Variants in BCL2 observed in about 807,000 individuals in gnomAD.
The protein encoded by BCL2 is BCL2 apoptosis regulator.
Under a neutral mutation model 14.2 loss-of-function variants are expected in BCL2, and 1 was observed. That is an observed-to-expected ratio of 0.07 (90% CI 0.02 to 0.33). The LOEUF (loss-of-function observed/expected upper bound fraction) is 0.33, where lower values mean the gene tolerates loss of function less well. BCL2 is among the 10% of genes least tolerant of loss of function. BCL2 has a pLI of 0.99. For synonymous variants in BCL2, 151 were observed against 137.2 expected, an observed-to-expected ratio of 1.10 and a Z score of -0.70; for missense variants, 247 against 305.9, an observed-to-expected ratio of 0.81 and a Z score of 1.44.
intron 2 of BCL2, among the ~76,000 whole-genome samples, chr18:63,147,214 C>T (rs941002764): frequency 2.2e-4 from 34 of 152,346 alleles, no homozygotes; most frequent in African/African-American, 7.9e-4. Context: ...ATTCACCTTT[C>T]CAGGCTTTGA....
At chr18:63,231,003 A>G (rs1368314505) in intron 2 of BCL2, among the ~76,000 whole-genome samples, 1 of 145,596 alleles carries the variant, frequency 6.9e-6, no homozygotes, top group Non-Finnish European at 1.5e-5. Flanking sequence ...TCAAAATATC[A>G]TGTTTATCAC....
intron 2 of BCL2, among the ~76,000 whole-genome samples, chr18:63,306,037 T>G (rs1227904993): frequency 6.6e-6 from 1 of 152,186 alleles, no homozygotes; most frequent in South Asian, 2.1e-4. Context: ...ATGGTGCCAC[T>G]GCACTCCAGC....
chr18:63,234,161 G>A (rs1450605264), intron 2 of BCL2, among the ~76,000 whole-genome samples: 1 of 152,072 alleles, frequency 6.6e-6, no homozygotes, highest in African/African-American at 2.4e-5. Flanking sequence ...GTGTGCCATG[G>A]TGGTTTGCTG....
At chr18:63,261,612 G>A (rs555106750) in intron 2 of BCL2, among the ~76,000 whole-genome samples, 69 of 152,164 alleles carry the variant, frequency 4.5e-4, no homozygotes, top group African/African-American at 1.4e-3. Context: ...AAATAAAAAC[G>A]GTCTTAGGGG....
intron 2 of BCL2, among the ~76,000 whole-genome samples, chr18:63,257,101 T>C (rs1454126621): frequency 6.6e-6 from 1 of 152,216 alleles, no homozygotes; most frequent in East Asian, 1.9e-4. Context: ...AGCTGATTTA[T>C]TAATATCCCA....
At chr18:63,288,017 A>C (rs1173022379) in intron 2 of BCL2, among the ~76,000 whole-genome samples, 1 of 152,234 alleles carries the variant, frequency 6.6e-6, no homozygotes, top group Non-Finnish European at 1.5e-5. Context: ...ATAGATGAGC[A>C]GGCGAGAGGA....
rs574733857 is a variant in BCL2, at chr18:63,245,892, G to A, written c.585+72190C>T. On this transcript the variant is annotated intron_variant, in intron 2 of 2. Coordinates refer to ENST00000333681, the MANE Select transcript of BCL2 (RefSeq NM_000633.3). ...GTAGCTTGCCCAACTTAGCCCGATT[G>A]AATTTGAAGCTCTAAACTGCTTCTT... Among the ~76,000 whole-genome samples the A allele has an allele frequency of 1.3e-4, 20 of 152,260 alleles. No individual in the cohort carries two copies. The East Asian group carries it at 2.5e-3, about 19-fold the overall frequency.
Position 63,318,761 on chromosome 18 carries a change from C to A in BCL2, c.-95G>T. 1 of 1,549,864 alleles carries A rather than the reference C, an allele frequency of 6.5e-7. No homozygotes were observed. The highest frequency in any genetic ancestry group is 8.7e-7 in the Non-Finnish European group (1 of 1,150,698). ...AGAAAGAAGAGGAGTTATAATCCAG[C>A]TATTTTATTGGATGTGCTTTGCATT... is the stretch of plus-strand genomic sequence containing the variant. On this transcript the variant is annotated 5_prime_UTR_variant, in exon 2 of 3. Transcript: ENST00000333681. This position sits in a 1 kb window ranked among gnomAD's most constrained non-coding sequence, Gnocchi z 7.4.
intron 2 of BCL2, among the ~76,000 whole-genome samples, chr18:63,272,058 C>G (rs1184079779): frequency 1.3e-5 from 2 of 152,192 alleles, no homozygotes; most frequent in Non-Finnish European, 2.9e-5. Flanking sequence ...TTGGTGGAAA[C>G]AAGAGTGCCA....
At chr18:63,253,085 C>T (rs1416799863) in intron 2 of BCL2, among the ~76,000 whole-genome samples, 1 of 152,220 alleles carries the variant, frequency 6.6e-6, no homozygotes, top group Non-Finnish European at 1.5e-5. Context: ...TTTGTTTATG[C>T]ATGGTGTAGC....
At chr18:63,313,438 G>A (rs1015488859) in intron 2 of BCL2, among the ~76,000 whole-genome samples, 3 of 152,190 alleles carry the variant, frequency 2.0e-5, no homozygotes, top group African/African-American at 7.2e-5. Context: ...TTGACAGAAA[G>A]GATGACCAGA....
chr18:63,279,062 T>C (rs1157891608), intron 2 of BCL2, among the ~76,000 whole-genome samples: 1 of 152,190 alleles, frequency 6.6e-6, no homozygotes. Flanking sequence ...ATTATGTAGA[T>C]ATAAATATAA....
At chr18:63,280,786 A>G (rs1912288529) in intron 2 of BCL2, among the ~76,000 whole-genome samples, 1 of 152,224 alleles carries the variant, frequency 6.6e-6, no homozygotes, top group Non-Finnish European at 1.5e-5. Flanking sequence ...GTTCCTCAAA[A>G]AATTAAAAAT....
chr18:63,149,582 A>C lies in BCL2; in HGVS notation c.586-20823T>G, dbSNP rs1392190836. Among the ~76,000 whole-genome samples the C allele has an allele frequency of 6.6e-6, 1 of 152,184 alleles. No homozygotes were observed. The highest frequency in any genetic ancestry group is 1.5e-5 in the Non-Finnish European group (1 of 68,036). On this transcript the variant is annotated intron_variant, in intron 2 of 2. Coordinates refer to ENST00000333681, the MANE Select transcript of BCL2 (RefSeq NM_000633.3). This position sits in a 1 kb window ranked among gnomAD's most constrained non-coding sequence, Gnocchi z 4.2. ...ATGTGAGGGGAAGCTGGAACTATTC[A>C]CGTATTTACAGGGAGAGTCCGAATA...
At chr18:63,188,791 T>C (rs898453586) in intron 2 of BCL2, among the ~76,000 whole-genome samples, 2 of 152,044 alleles carry the variant, frequency 1.3e-5, no homozygotes, top group African/African-American at 2.4e-5. Context: ...TGAATATACA[T>C]GCATTTGTAT....
At chr18:63,171,240 A>G (rs1446177389) in intron 2 of BCL2, among the ~76,000 whole-genome samples, 1 of 152,214 alleles carries the variant, frequency 6.6e-6, no homozygotes. Flanking sequence ...TAATGGATTT[A>G]AGAAAAAAAA....
intron 2 of BCL2, among the ~76,000 whole-genome samples, chr18:63,304,914 T>A (rs1329283160): frequency 2.6e-5 from 4 of 152,214 alleles, no homozygotes; most frequent in African/African-American, 9.6e-5. Context: ...CCGTTGCTAG[T>A]CAGGTGTCAA....
intron 2 of BCL2, among the ~76,000 whole-genome samples, chr18:63,309,801 T>C (rs1913250104): frequency 6.6e-6 from 1 of 152,222 alleles, no homozygotes; most frequent in Non-Finnish European, 1.5e-5. Flanking sequence ...GTCCCTGATA[T>C]TAAATGAGTA....
chr18:63,152,436 G>GT (rs1250800123), intron 2 of BCL2, among the ~76,000 whole-genome samples: 3 of 152,086 alleles, frequency 2.0e-5, no homozygotes, highest in Non-Finnish European at 2.9e-5. Context: ...AAATGAAAGA[G>GT]TTTTTTTAAA....
Sources: allele counts gnomAD v4.1 joint callset (sites outside exome capture counted in the v4.1 genomes callset), GRCh38; gene constraint gnomAD v4.1.1; non-coding constraint Gnocchi (gnomAD v3.1); transcripts MANE v1.5; gene names NCBI Gene and HGNC (gene_info 2026-07-23, HGNC 2026-07-21).